Variants in POFUT1 observed in about 807,000 individuals in gnomAD.
The protein encoded by POFUT1 is GDP-fucose protein O-fucosyltransferase 1.
In POFUT1, 16 loss-of-function variants were observed where a neutral mutation model predicts 42.4. The observed-to-expected ratio is 0.38, with a 90% CI of 0.26 to 0.57. The LOEUF is 0.57. POFUT1 is among the 20% of genes least tolerant of loss of function. The pLI is 0.71. For synonymous variants in POFUT1, 206 were observed against 205.4 expected, an observed-to-expected ratio of 1.00 and a Z score of -0.03; for missense variants, 470 against 504.6, an observed-to-expected ratio of 0.93 and a Z score of 0.66.
intron 4 of POFUT1, among the ~76,000 whole-genome samples, chr20:32,224,838 C>G (rs1174692704): frequency 6.6e-6 from 1 of 152,192 alleles, no homozygotes; most frequent in Non-Finnish European, 1.5e-5. Context: ...TTTATTTGTA[C>G]AAAATGGAAA....
rs2047478658 is a variant in POFUT1, at chr20:32,237,675, G to C, written c.*3014G>C. 1 of 431,832 alleles carries C rather than the reference G, an allele frequency of 2.3e-6. No homozygotes were observed. The allele number at this position is 431,832 out of a possible 1,614,324, so 26.8% of individuals were successfully genotyped here. A position where few individuals can be genotyped will look rare whatever the true frequency, so the allele number is the denominator to read the frequency against. On this transcript the variant is annotated 3_prime_UTR_variant, in exon 7 of 7. Transcript: ENST00000375749. Reference sequence around the variant, plus strand: ...GCCTCCTAGGGTTCTGAGCAGAAGAGGGGCATGAGCTGATTCACATTCTGA... The same window carrying C: ...GCCTCCTAGGGTTCTGAGCAGAAGACGGGCATGAGCTGATTCACATTCTGA...
At chr20:32,213,501 A>C (rs1478533695) in intron 2 of POFUT1, among the ~76,000 whole-genome samples, 1 of 151,322 alleles carries the variant, frequency 6.6e-6, no homozygotes, top group Non-Finnish European at 1.5e-5. Context: ...GGCTGGGCGC[A>C]GTGGCTCACG....
rs571308391 is a variant in POFUT1, at chr20:32,216,466, G to T, written c.430-143G>T. 3 of 623,366 alleles carry T rather than the reference G, an allele frequency of 4.8e-6. No individual in the cohort carries two copies. The East Asian group carries it at 8.2e-5, about 17-fold the overall frequency. 38.6% of individuals were successfully genotyped at this position (623,366 alleles called of 1,614,324 possible). A position where few individuals can be genotyped will look rare whatever the true frequency, so the allele number is the denominator to read the frequency against. The stretch of plus-strand genomic sequence containing the variant: ...CAGCCCCTGGCCTAGGAATTGCAGA[G>T]TGACATTTCTCCTAGGCCATCCTGT... On this transcript the variant is annotated intron_variant, in intron 3 of 6. Transcript: ENST00000375749.
intron 4 of POFUT1, among the ~76,000 whole-genome samples, chr20:32,219,654 G>A (rs546569946): frequency 1.3e-5 from 2 of 151,804 alleles, no homozygotes; most frequent in East Asian, 1.9e-4. Flanking sequence ...CCGCCACCAC[G>A]CCCGGCTGAT....
Position 32,230,140 on chromosome 20 carries a change from C to T in POFUT1, c.736-679C>T, listed in dbSNP as rs570195257. On this transcript the variant is annotated intron_variant, in intron 5 of 6. Transcript: ENST00000375749. ...TGGTGGCTCATGCCTGTAATCCCAG[C>T]ACTCAGGGAGGCCGAGGCAGGCGGA... Among the ~76,000 whole-genome samples, 9 of 152,050 alleles carry T rather than the reference C, an allele frequency of 5.9e-5. 1 individual carries two copies. In the South Asian group the frequency reaches 1.9e-3, roughly 32 times the overall value.
rs781013684 is a variant in POFUT1, at chr20:32,230,920, G to T, written c.837G>T (p.Thr279=). ...GYSRSTAAPL[T]MTMCLPDLKE... is the part of the protein sequence containing the mutation. Reference sequence around the variant, plus strand: ...GCCGCAGCACAGCGGCCCCCCTCACGATGACTATGTGCCTGCCTGACCTGA... The same window carrying T: ...GCCGCAGCACAGCGGCCCCCCTCACTATGACTATGTGCCTGCCTGACCTGA... Residue 279 remains threonine, a synonymous_variant, in exon 6 of 7, where the codon ACG becomes ACT. Coordinates refer to ENST00000375749, the MANE Select transcript of POFUT1 (RefSeq NM_015352.2). The T allele has an allele frequency of 5.6e-6, 9 of 1,614,048 alleles. No individual in the cohort carries two copies. Among genetic ancestry groups the T allele is most frequent in the African/African-American group, 2.7e-5 (2 of 74,932 alleles).
At position 32,210,123 on chromosome 20, in the gene POFUT1, G is replaced by A. The variant is rs1363339539; in HGVS notation, c.177G>A (p.Lys59=). The change falls in exon 2 of 7, where the codon AAG becomes AAA. Residue 59 remains lysine, a synonymous_variant. Coordinates refer to ENST00000375749, the MANE Select transcript of POFUT1 (RefSeq NM_015352.2). ...TCTTGGGCTCTCTGGCATTTGCAAA[G>A]CTGCTAAACCGTACCTTGGCTGTCC... ...DHFLGSLAFA[K]LLNRTLAVPP... is the part of the protein sequence containing the mutation. 1 of 1,614,188 alleles carries A rather than the reference G, an allele frequency of 6.2e-7. No individual in the cohort carries two copies. Among genetic ancestry groups the A allele is most frequent in the Non-Finnish European group, 8.5e-7 (1 of 1,180,018 alleles).
At chr20:32,223,384 T>A in intron 4 of POFUT1, 1 of 985,390 alleles carries the variant, frequency 1.0e-6, no homozygotes, top group Non-Finnish European at 1.2e-6. Context: ...GGGTCTGAGC[T>A]GATGTTGTCC....
At position 32,238,156 on chromosome 20, in the gene POFUT1, G is replaced by A. The variant is rs2047482526; in HGVS notation, c.*3495G>A. 4.1e-6 allele frequency: 1 copy of A among 241,612 alleles called. No individual in the cohort carries two copies. The highest frequency in any genetic ancestry group is 4.6e-5 in the Admixed American group (1 of 21,912). The allele number at this position is 241,612 out of a possible 1,614,324, so 15.0% of individuals were successfully genotyped here. ...GCCTGTAATCCCAGCACTTTGCGAG[G>A]CCGAGGTGGGCAGATCACTTGAGGT... On this transcript the variant is annotated 3_prime_UTR_variant, in exon 7 of 7. Coordinates refer to ENST00000375749, the MANE Select transcript of POFUT1 (RefSeq NM_015352.2).
intron 6 of POFUT1, among the ~76,000 whole-genome samples, chr20:32,233,533 G>A (rs2047453769): frequency 2.0e-5 from 3 of 152,180 alleles, no homozygotes; most frequent in Non-Finnish European, 1.5e-5. Flanking sequence ...TGTTCCACTT[G>A]GAGGGCGGGA....
chr20:32,228,391 C>G lies in POFUT1; in HGVS notation c.671C>G (p.Ala224Gly), dbSNP rs1473312089. Residue 224 changes from alanine to glycine, a missense_variant, in exon 5 of 7, where the codon GCC becomes GGC. Physicochemically the swap from Ala to Gly is moderately conservative, Grantham distance 60. Coordinates refer to ENST00000375749, the MANE Select transcript of POFUT1 (RefSeq NM_015352.2). ...GACGAAATGGTGAAGACGGGAGAGG[C>G]CCAGATTCATGCCCACCTTGTCCGG... The part of the protein sequence containing the change: ...WSDEMVKTGE[A>G]QIHAHLVRPY... 1 of 1,614,200 alleles carries G rather than the reference C, an allele frequency of 6.2e-7. No individual in the cohort carries two copies. The highest frequency in any genetic ancestry group is 8.5e-7 in the Non-Finnish European group (1 of 1,180,018).
intron 2 of POFUT1, among the ~76,000 whole-genome samples, chr20:32,210,394 T>C (rs1388598550): frequency 6.6e-6 from 1 of 152,188 alleles, no homozygotes; most frequent in Admixed American, 6.5e-5. Context: ...GAGAATTAGC[T>C]CATTTCACCC....
intron 6 of POFUT1, among the ~76,000 whole-genome samples, chr20:32,234,168 A>G (rs993014009): frequency 2.6e-5 from 4 of 152,352 alleles, no homozygotes; most frequent in African/African-American, 9.6e-5. Context: ...TTAATAAAAT[A>G]AAAGAGTCTG....
chr20:32,209,680 A>G (rs1007411691), intron 1 of POFUT1, among the ~76,000 whole-genome samples: 1 of 152,172 alleles, frequency 6.6e-6, no homozygotes, highest in Non-Finnish European at 1.5e-5. Flanking sequence ...GAGGTAAAGG[A>G]GGGAGAGTGA....
intron 4 of POFUT1, among the ~76,000 whole-genome samples, chr20:32,220,367 G>T (rs1437716004): frequency 6.6e-6 from 1 of 152,174 alleles, no homozygotes; most frequent in African/African-American, 2.4e-5. Flanking sequence ...TTGGCCTCAA[G>T]TAATTATCCT....
rs768569747 is a variant in POFUT1, at chr20:32,228,368, C to A, written c.648C>A (p.Asp216Glu). The A allele has an allele frequency of 2.5e-6, 4 of 1,614,206 alleles. No homozygotes were observed. Among genetic ancestry groups the A allele is most frequent in the Non-Finnish European group, 3.4e-6 (4 of 1,180,014 alleles). Residue 216 changes from aspartate to glutamate, a missense_variant, in exon 5 of 7, where the codon GAC becomes GAA. By Grantham distance (45) the Asp-to-Glu change is conservative. Transcript: ENST00000375749. ...TACAGAAGTACATGGTATGGTCAGA[C>A]GAAATGGTGAAGACGGGAGAGGCCC... ...RPLQKYMVWS[D>E]EMVKTGEAQI...
intron 1 of POFUT1, 68 bp downstream of exon 1, chr20:32,208,133 G>A: frequency 1.4e-6 from 2 of 1,443,998 alleles, no homozygotes; most frequent in Admixed American, 2.1e-5. Context: ...CCACTCCTCA[G>A]ATGCGCCCAG....
Position 32,215,388 on chromosome 20 carries a change from G to C in POFUT1, c.366G>C (p.Arg122=). The change falls in exon 3 of 7, where the codon CGG becomes CGC. Residue 122 remains arginine (R), a synonymous_variant. Coordinates refer to ENST00000375749, the MANE Select transcript of POFUT1 (RefSeq NM_015352.2). The part of the protein sequence containing the change: ...LAPTHWPPEK[R]VAYCFEVAAQ... ...CCACCCACTGGCCCCCTGAGAAGCGGGTGGCATACTGCTTTGAGGTGGCAG... is the reference window on the plus strand; with the variant it reads ...CCACCCACTGGCCCCCTGAGAAGCGCGTGGCATACTGCTTTGAGGTGGCAG... The C allele has an allele frequency of 6.2e-7, 1 of 1,614,074 alleles. No individual in the cohort carries two copies.
At position 32,235,710 on chromosome 20, in the gene POFUT1, G is replaced by T. The variant is rs927190856; in HGVS notation, c.*1049G>T. On this transcript the variant is annotated 3_prime_UTR_variant, in exon 7 of 7. Coordinates refer to ENST00000375749, the MANE Select transcript of POFUT1 (RefSeq NM_015352.2). ...CTGCCAACACCATGAGGCTTAAGGT[G>T]CTCTAAGTCATGAGTGTTTTGGTCT... 5 of 152,246 alleles carry T rather than the reference G, an allele frequency of 3.3e-5. No homozygotes were observed. The highest frequency in any genetic ancestry group is 1.5e-5 in the Non-Finnish European group (1 of 68,058). The allele number at this position is 152,246 out of a possible 1,614,324, so 9.4% of individuals were successfully genotyped here.
Sources: allele counts gnomAD v4.1 joint callset (sites outside exome capture counted in the v4.1 genomes callset), GRCh38; gene constraint gnomAD v4.1.1; transcripts MANE v1.5; gene names NCBI Gene and HGNC (gene_info 2026-07-23, HGNC 2026-07-21).